Variants in FHIT observed in about 807,000 individuals in gnomAD.
The protein encoded by FHIT is bis(5'-adenosyl)-triphosphatase.
FHIT carries 19 observed loss-of-function variants against 17.9 expected under a neutral mutation model. The observed-to-expected ratio is 1.06, with a 90% CI of 0.74 to 1.56. The LOEUF is 1.56. Ranked by LOEUF, FHIT falls within the 40% of genes most tolerant of loss-of-function variation. The pLI, the probability that FHIT is intolerant of heterozygous loss-of-function variation, is 0.00. For synonymous variants in FHIT, 81 were observed against 69.7 expected, an observed-to-expected ratio of 1.16 and a Z score of -0.81; for missense variants, 248 against 189.2, an observed-to-expected ratio of 1.31 and a Z score of -1.82.
chr3:60,990,645 G>T (rs1364480830), intron 3 of FHIT, among the ~76,000 whole-genome samples: 5 of 152,090 alleles, frequency 3.3e-5, no homozygotes, highest in African/African-American at 9.7e-5. Context: ...CACTTTCCAG[G>T]ATCATATGAT....
intron 8 of FHIT, among the ~76,000 whole-genome samples, chr3:59,864,370 T>A (rs78535526): frequency 3.3e-5 from 5 of 152,172 alleles, no homozygotes; most frequent in Non-Finnish European, 2.9e-5. Flanking sequence ...TTTCTCTTGC[T>A]GCCACCATGT....
chr3:60,207,259 C>T (rs1054752669), intron 5 of FHIT, among the ~76,000 whole-genome samples: 16 of 151,876 alleles, frequency 1.1e-4, no homozygotes, highest in Non-Finnish European at 2.2e-4. Context: ...AGAATATTTA[C>T]TTTTAGTTAA....
intron 8 of FHIT, among the ~76,000 whole-genome samples, chr3:59,851,030 C>G (rs1297163535): frequency 6.6e-6 from 1 of 152,128 alleles, no homozygotes; most frequent in Non-Finnish European, 1.5e-5. Flanking sequence ...ATGAAAAGAG[C>G]AGGGTCTTCT....
chr3:61,195,718 C>G (rs1476141363), intron 2 of FHIT, among the ~76,000 whole-genome samples: 2 of 152,150 alleles, frequency 1.3e-5, no homozygotes, highest in Non-Finnish European at 2.9e-5. Flanking sequence ...GCTCTGTGAA[C>G]AGACTGGCTG....
At chr3:60,549,231 A>G (rs1034102867) in intron 4 of FHIT, among the ~76,000 whole-genome samples, 1 of 152,186 alleles carries the variant, frequency 6.6e-6, no homozygotes, top group Non-Finnish European at 1.5e-5. Context: ...AAAATCATGT[A>G]TTTGACACCA....
intron 4 of FHIT, among the ~76,000 whole-genome samples, chr3:60,589,934 C>T (rs976735534): frequency 1.3e-5 from 2 of 151,936 alleles, no homozygotes; most frequent in African/African-American, 4.8e-5. Flanking sequence ...GAATCTGTGG[C>T]CTTGACCCTC....
chr3:60,717,172 G>C (rs2041703762), intron 4 of FHIT, among the ~76,000 whole-genome samples: 1 of 152,056 alleles, frequency 6.6e-6, no homozygotes, highest in South Asian at 2.1e-4. Flanking sequence ...GGGAGGTGTT[G>C]GTCAAAGGGT....
intron 8 of FHIT, among the ~76,000 whole-genome samples, chr3:59,769,678 T>G (rs1229072592): frequency 1.3e-5 from 2 of 152,126 alleles, no homozygotes; most frequent in East Asian, 3.9e-4. Flanking sequence ...CAGACTTTGC[T>G]GCCAGCTTAT....
intron 4 of FHIT, chr3:60,732,320 G>A (rs1553711523): frequency 1.1e-6 from 1 of 940,368 alleles, no homozygotes; most frequent in Non-Finnish European, 1.7e-6. Flanking sequence ...AACCATTTGT[G>A]TTGGGTCCAG....
chr3:61,243,041 T>G (rs1268524241), intron 1 of FHIT, among the ~76,000 whole-genome samples: 1 of 152,202 alleles, frequency 6.6e-6, no homozygotes, highest in Non-Finnish European at 1.5e-5. Context: ...GTTGTTATCA[T>G]CTTTGTTCCA....
chr3:59,962,367 T>C (rs1469723749), intron 7 of FHIT, among the ~76,000 whole-genome samples: 2 of 152,202 alleles, frequency 1.3e-5, no homozygotes, highest in Non-Finnish European at 1.5e-5. Context: ...CAAAGTTTAG[T>C]GAGAGCCAAA....
At chr3:60,441,714 A>ATATTTGTATT (rs1192697159) in intron 5 of FHIT, among the ~76,000 whole-genome samples, 16 of 72,202 alleles carry the variant, frequency 2.2e-4, no homozygotes, top group South Asian at 1.2e-3. Flanking sequence ...ATATATATAT[A>ATATTTGTATT]TATATATATT....
At chr3:60,836,331 A>T (rs1702540111) in intron 3 of FHIT, among the ~76,000 whole-genome samples, 1 of 152,174 alleles carries the variant, frequency 6.6e-6, no homozygotes, top group African/African-American at 2.4e-5. Flanking sequence ...TTTCTGGAAG[A>T]GACTGTATAA....
intron 4 of FHIT, among the ~76,000 whole-genome samples, chr3:60,795,348 GTTA>G (rs1352155755): frequency 2.0e-4 from 31 of 152,106 alleles, no homozygotes; most frequent in African/African-American, 7.2e-4. Context: ...TTTTTCCGAT[GTTA>G]TTAAAGTTCT....
chr3:61,204,783 T>G (rs1185158928), intron 1 of FHIT, among the ~76,000 whole-genome samples: 1 of 152,132 alleles, frequency 6.6e-6, no homozygotes, highest in African/African-American at 2.4e-5. Flanking sequence ...ATGACGAAAG[T>G]TAGCAATAAT....
intron 4 of FHIT, among the ~76,000 whole-genome samples, chr3:60,807,895 G>A (rs1182661674): frequency 1.3e-5 from 2 of 152,158 alleles, no homozygotes; most frequent in African/African-American, 2.4e-5. Context: ...GAAAGGGGAG[G>A]TGTACCTTAA....
chr3:60,682,274 G>C (rs782320833), intron 4 of FHIT, among the ~76,000 whole-genome samples: 4 of 152,072 alleles, frequency 2.6e-5, no homozygotes, highest in Non-Finnish European at 5.9e-5. Flanking sequence ...CCCGGCCAAA[G>C]GCAGATTTTC....
intron 7 of FHIT, among the ~76,000 whole-genome samples, chr3:59,987,951 C>T (rs2630170): frequency 0.77 from 116,946 of 151,976 alleles, 45,535 homozygotes; most frequent in Non-Finnish European, 0.83. Flanking sequence ...GGGAACAAGA[C>T]GTAACCTGAC....
intron 4 of FHIT, among the ~76,000 whole-genome samples, chr3:60,550,740 T>C (rs377616346): frequency 1.3e-5 from 2 of 152,248 alleles, no homozygotes; most frequent in South Asian, 2.1e-4. Flanking sequence ...CAAACTCTAA[T>C]CACCTATTCA....
Sources: gnomAD v4.1 joint callset for allele counts (sites outside exome capture counted in the v4.1 genomes callset) on GRCh38, gnomAD v4.1.1 for gene constraint, MANE v1.5 for transcripts, NCBI Gene and HGNC (gene_info 2026-07-23, HGNC 2026-07-21) for gene names.